Variants in TBX4 observed in about 807,000 individuals in gnomAD.
TBX4 encodes T-box transcription factor TBX4.
In TBX4, 13 loss-of-function variants were observed where a neutral mutation model predicts 54.6. The ratio of observed to expected loss-of-function variants is 0.24; its 90% CI spans 0.15 to 0.38. The LOEUF (loss-of-function observed/expected upper bound fraction) is 0.38. TBX4 is among the 10% of genes least tolerant of loss of function. The pLI, the probability that TBX4 is intolerant of heterozygous loss-of-function variation, is 1.00. For missense variants in TBX4, 631 were observed against 728.5 expected (o/e 0.87, Z 1.54); for synonymous variants, 314 against 306.7 (o/e 1.02, Z -0.25).
chr17:61,483,333 G>C lies in TBX4; in HGVS notation c.1458G>C (p.Arg486=). 2 of 1,610,236 alleles carry C rather than the reference G, an allele frequency of 1.2e-6. No homozygotes were observed. The highest frequency in any genetic ancestry group is 1.7e-6 in the Non-Finnish European group (2 of 1,176,946). The part of the protein sequence containing the change: ...NQLSQSQVRE[R]GPSASFPRER... ...TCTCCCAGTCTCAGGTCCGAGAGCG[G>C]GGGCCCAGCGCCTCATTCCCAAGAG... The change falls in exon 9 of 9, where the codon CGG becomes CGC. Residue 486 remains arginine, a synonymous_variant. Transcript: ENST00000644296. The surrounding 1 kb of genome is among the most constrained non-coding windows in gnomAD (Gnocchi z 6.6).
intron 5 of TBX4, among the ~76,000 whole-genome samples, chr17:61,468,037 C>A (rs2060548610): frequency 1.3e-5 from 2 of 152,238 alleles, no homozygotes; most frequent in African/African-American, 2.4e-5. Context: ...CGGGTCAGAT[C>A]TCAGCTTCAG....
intron 5 of TBX4, among the ~76,000 whole-genome samples, chr17:61,471,229 C>T (rs1287007182): frequency 4.6e-5 from 7 of 152,230 alleles, no homozygotes; most frequent in Non-Finnish European, 8.8e-5. Context: ...CCTTCTTCAC[C>T]TAGGTAGCTA....
Position 61,467,738 on chromosome 17 carries a change from A to G in TBX4, c.549+81A>G, listed in dbSNP as rs562469979. ...GGGACAGGCCAGGATGGGGATAGGG[A>G]GAATCCACTCCGGGATCCAGCTCCA... On this transcript the variant is annotated intron_variant, in intron 5 of 8. Transcript: ENST00000644296. 5.8e-5 allele frequency: 91 copies of G among 1,563,818 alleles called. 1 individual carries two copies. The South Asian group carries it at 1.0e-3, about 17-fold the overall frequency.
chr17:61,467,355 C>T lies in TBX4; in HGVS notation c.402-155C>T, dbSNP rs1009962. On this transcript the variant is annotated intron_variant, in intron 4 of 8. Coordinates refer to ENST00000644296, the MANE Select transcript of TBX4 (RefSeq NM_001321120.2). Reference sequence around the variant, plus strand: ...CCTCAGCATTCTCTCCTCTGAACCTCACACTCCTACCCTTGAAGTACTAAT... The same window carrying T: ...CCTCAGCATTCTCTCCTCTGAACCTTACACTCCTACCCTTGAAGTACTAAT... 0.12 allele frequency among the ~76,000 whole-genome samples: 17,683 copies of T among 152,194 alleles called. 1,089 individuals are homozygous for T. The highest frequency in any genetic ancestry group is 0.2 in the East Asian group (1,032 of 5,168).
chr17:61,480,399 C>T lies in TBX4; in HGVS notation c.1021+80C>T. 10 of 1,146,694 alleles carry T rather than the reference C, an allele frequency of 8.7e-6. No homozygotes were observed. Among genetic ancestry groups the T allele is most frequent in the Non-Finnish European group, 1.3e-5 (10 of 793,898 alleles). 71.0% of individuals were successfully genotyped at this position (1,146,694 alleles called of 1,614,324 possible). A position where few individuals can be genotyped will look rare whatever the true frequency, so the allele number is the denominator to read the frequency against. On this transcript the variant is annotated intron_variant, in intron 8 of 8. Coordinates refer to ENST00000644296, the MANE Select transcript of TBX4 (RefSeq NM_001321120.2). The surrounding 1 kb of genome is among the most constrained non-coding windows in gnomAD (Gnocchi z 6.2). Reference sequence around the variant, plus strand: ...CCCCGAAACCACTCTGCAGCGCCCCCCCCCCCAACACACACACACTCATCT... The same window carrying T: ...CCCCGAAACCACTCTGCAGCGCCCCTCCCCCCAACACACACACACTCATCT...
Position 61,479,065 on chromosome 17 carries a change from T to C in TBX4, c.702+286T>C, listed in dbSNP as rs2060643268. On this transcript the variant is annotated intron_variant, in intron 6 of 8. Transcript: ENST00000644296. The surrounding 1 kb of genome is among the most constrained non-coding windows in gnomAD (Gnocchi z 6.1). ...AAAAACCAGGAGCTTGGAGTCTGCC[T>C]TGTGGTTTGAGCATTGGGCCCTTTC... Among the ~76,000 whole-genome samples the C allele has an allele frequency of 6.6e-6, 1 of 152,218 alleles. No individual in the cohort carries two copies. Among genetic ancestry groups the C allele is most frequent in the African/African-American group, 2.4e-5 (1 of 41,456 alleles).
rs997581372 is a variant in TBX4, at chr17:61,478,669, A to G, written c.592A>G (p.Ile198Val). 1 of 1,614,174 alleles carries G rather than the reference A, an allele frequency of 6.2e-7. No homozygotes were observed. The highest frequency in any genetic ancestry group is 8.5e-7 in the Non-Finnish European group (1 of 1,180,028). ...GCACAAGTACCAGCCGCGGCTCCAC[A>G]TCGTTAAGGCTGATGAGAACAATGC... ...SMHKYQPRLH[I>V]VKADENNAFG... Residue 198 changes from isoleucine (I) to valine (V), a missense_variant, in exon 6 of 9, where the codon ATC becomes GTC. Ile to Val is a conservative substitution (Grantham distance 29). This residue lies in a region of TBX4 where 154 missense variants were observed against 238.6 expected (regional missense o/e 0.65). Coordinates refer to ENST00000644296, the MANE Select transcript of TBX4 (RefSeq NM_001321120.2). This position sits in a 1 kb window ranked among gnomAD's most constrained non-coding sequence, Gnocchi z 7.4.
At chr17:61,477,513 C>G (rs1040988302) in intron 5 of TBX4, among the ~76,000 whole-genome samples, 1 of 152,210 alleles carries the variant, frequency 6.6e-6, no homozygotes, top group African/African-American at 2.4e-5. Flanking sequence ...GAAACTGTGC[C>G]GTCTCCTACC....
chr17:61,478,672 G>A lies in TBX4; in HGVS notation c.595G>A (p.Val199Ile), dbSNP rs151058527. ...CAAGTACCAGCCGCGGCTCCACATCGTTAAGGCTGATGAGAACAATGCTTT... is the reference window on the plus strand; with the variant it reads ...CAAGTACCAGCCGCGGCTCCACATCATTAAGGCTGATGAGAACAATGCTTT... ...MHKYQPRLHI[V>I]KADENNAFGS... The change falls in exon 6 of 9, where the codon GTT becomes ATT. Residue 199 changes from valine (V) to isoleucine (I), a missense_variant. By Grantham distance (29) the Val-to-Ile change is conservative. Coordinates refer to ENST00000644296, the MANE Select transcript of TBX4 (RefSeq NM_001321120.2). This position sits in a 1 kb window ranked among gnomAD's most constrained non-coding sequence, Gnocchi z 7.4. The A allele has an allele frequency of 3.3e-4, 531 of 1,614,062 alleles. 2 individuals are homozygous for A. Among genetic ancestry groups the A allele is most frequent in the Non-Finnish European group, 4.3e-4 (507 of 1,180,028 alleles).
In TBX4 at chr17:61,476,571, G is replaced by A. The variant is rs1055580388; in HGVS notation, c.550-2056G>A. The stretch of plus-strand genomic sequence containing the variant: ...CTCTCGCCACAGGAGCATCCCCAGC[G>A]TCCTGGAAAGGGACAGACATCGAGG... On this transcript the variant is annotated intron_variant, in intron 5 of 8. Coordinates refer to ENST00000644296, the MANE Select transcript of TBX4 (RefSeq NM_001321120.2). This position sits in a 1 kb window ranked among gnomAD's most constrained non-coding sequence, Gnocchi z 6.5. 3.9e-5 allele frequency among the ~76,000 whole-genome samples: 6 copies of A among 152,228 alleles called. No individual in the cohort carries two copies. Among genetic ancestry groups the A allele is most frequent in the East Asian group, 3.8e-4 (2 of 5,202 alleles).
At position 61,456,584 on chromosome 17, in the gene TBX4, C is replaced by T. The variant is rs762348865; in HGVS notation, c.94C>T (p.Pro32Ser). ...GGCCAGCGCAGCCAACGCCCCCGAGCCCGCGCTGGCAGCGCCGGGCCTCAG... is the reference window on the plus strand; with the variant it reads ...GGCCAGCGCAGCCAACGCCCCCGAGTCCGCGCTGGCAGCGCCGGGCCTCAG... ...GEASAANAPE[P>S]ALAAPGLSGA... The change falls in exon 2 of 9, where the codon CCC (proline) becomes TCC (serine). Residue 32 changes from proline (P) to serine (S), a missense_variant. Coordinates refer to ENST00000644296, the MANE Select transcript of TBX4 (RefSeq NM_001321120.2). The T allele has an allele frequency of 4.6e-5, 70 of 1,533,774 alleles. No homozygotes were observed. Among genetic ancestry groups the T allele is most frequent in the Non-Finnish European group, 5.7e-5 (65 of 1,139,484 alleles).
rs2060504107 is a variant in TBX4 at position 61,462,580 on chromosome 17, G to A, written c.282-3239G>A. Among the ~76,000 whole-genome samples, 1 of 151,746 alleles carries A rather than the reference G, an allele frequency of 6.6e-6. No individual in the cohort carries two copies. Among genetic ancestry groups the A allele is most frequent in the African/African-American group, 2.4e-5 (1 of 41,288 alleles). On this transcript the variant is annotated intron_variant, in intron 3 of 8. Coordinates refer to ENST00000644296, the MANE Select transcript of TBX4 (RefSeq NM_001321120.2). The surrounding 1 kb of genome is among the most constrained non-coding windows in gnomAD (Gnocchi z 4.5). ...GGGAGAGGGGGAGCGCGCAAGGAGG[G>A]GGCTGGCTGGGGCGGACCCAGAGGT...
At position 61,459,703 on chromosome 17, in the gene TBX4, C is replaced by A. The variant is rs1176856556; in HGVS notation, c.281+2072C>A. On this transcript the variant is annotated intron_variant, in intron 3 of 8. Coordinates refer to ENST00000644296, the MANE Select transcript of TBX4 (RefSeq NM_001321120.2). The surrounding 1 kb of genome is among the most constrained non-coding windows in gnomAD (Gnocchi z 4.8). ...TCCTAGTTGAGGCTTAGAGATGGAC[C>A]TTAGGGAATTATGATAATATTTCTA... 6.6e-6 allele frequency among the ~76,000 whole-genome samples: 1 copy of A among 152,166 alleles called. No homozygotes were observed. The highest frequency in any genetic ancestry group is 2.4e-5 in the African/African-American group (1 of 41,434).
chr17:61,459,008 C>T lies in TBX4; in HGVS notation c.281+1377C>T, dbSNP rs1034930245. ...GGTGGAGGTCTGGGCACTTGGCCAC[C>T]CTCAGGCCTTAGCCAGGGAGGTGGC... On this transcript the variant is annotated intron_variant, in intron 3 of 8. Transcript: ENST00000644296. The surrounding 1 kb of genome is among the most constrained non-coding windows in gnomAD (Gnocchi z 4.8). Among the ~76,000 whole-genome samples, 2 of 152,230 alleles carry T rather than the reference C, an allele frequency of 1.3e-5. No homozygotes were observed. The highest frequency in any genetic ancestry group is 2.4e-5 in the African/African-American group (1 of 41,448).
In TBX4 at chr17:61,478,764, C is replaced by G. The variant is rs754110365; in HGVS notation, c.687C>G (p.Ser229=). The change falls in exon 6 of 9, where the codon TCC becomes TCG. Residue 229 remains serine, a synonymous_variant. Coordinates refer to ENST00000644296, the MANE Select transcript of TBX4 (RefSeq NM_001321120.2). This position sits in a 1 kb window ranked among gnomAD's most constrained non-coding sequence, Gnocchi z 7.4. ...FPETSFISVT[S]YQNHKITQLK... The stretch of plus-strand genomic sequence containing the variant: ...AGACCTCCTTCATCTCTGTGACCTC[C>G]TACCAGAATCACAAGGTACAGCCAC... The G allele has an allele frequency of 6.2e-6, 10 of 1,614,048 alleles. No homozygotes were observed. Among genetic ancestry groups the G allele is most frequent in the African/African-American group, 2.7e-5 (2 of 74,922 alleles).
In TBX4 at chr17:61,464,010, G is replaced by A. The variant is rs149897625; in HGVS notation, c.282-1809G>A. Among the ~76,000 whole-genome samples the A allele has an allele frequency of 4.4e-3, 675 of 152,298 alleles. 6 individuals carry two copies. The highest frequency in any genetic ancestry group is 6.7e-3 in the Non-Finnish European group (453 of 68,018). On this transcript the variant is annotated intron_variant, in intron 3 of 8. Coordinates refer to ENST00000644296, the MANE Select transcript of TBX4 (RefSeq NM_001321120.2). This position sits in a 1 kb window ranked among gnomAD's most constrained non-coding sequence, Gnocchi z 5.8. ...GCTGGTAAGCAGGAGGCAGGGTTGG[G>A]TTCCTGAGCCCCTCACTTCCCCCAT...
chr17:61,470,016 C>T (rs1399362732), intron 5 of TBX4, among the ~76,000 whole-genome samples: 2 of 152,238 alleles, frequency 1.3e-5, no homozygotes, highest in Admixed American at 6.5e-5. Context: ...GGGATCCTCA[C>T]GGTATCCCAG....
rs112164992 is a variant in TBX4 at position 61,453,140 on chromosome 17, T to C, written c.-4+563T>C. 1.3e-5 allele frequency among the ~76,000 whole-genome samples: 2 copies of C among 152,362 alleles called. 1 individual carries two copies. The highest frequency in any genetic ancestry group is 4.8e-5 in the African/African-American group (2 of 41,586). On this transcript the variant is annotated intron_variant, in intron 1 of 8. Coordinates refer to ENST00000644296, the MANE Select transcript of TBX4 (RefSeq NM_001321120.2). ...AAAGGGCTAATCGGCATAACTGATATAACACGTGAACTTCCAAATAATACA... is the reference window on the plus strand; with the variant it reads ...AAAGGGCTAATCGGCATAACTGATACAACACGTGAACTTCCAAATAATACA...
In TBX4 at chr17:61,453,203, C is replaced by G. The variant is rs2060425811; in HGVS notation, c.-4+626C>G. Among the ~76,000 whole-genome samples, 3 of 152,058 alleles carry G rather than the reference C, an allele frequency of 2.0e-5. No homozygotes were observed. In the East Asian group the frequency reaches 5.8e-4, roughly 29 times the overall value. On this transcript the variant is annotated intron_variant, in intron 1 of 8. Coordinates refer to ENST00000644296, the MANE Select transcript of TBX4 (RefSeq NM_001321120.2). ...TTCAGAATCAAGTGAAAATAGTAAT[C>G]ACAATTTTTAAAAGGATTAAAGACA...
Sources: gnomAD v4.1 joint callset for allele counts (sites outside exome capture counted in the v4.1 genomes callset) on GRCh38, gnomAD v4.1.1 for gene constraint, gnomAD v4.1.1 regional missense constraint, Gnocchi (gnomAD v3.1) non-coding constraint, MANE v1.5 for transcripts, NCBI Gene and HGNC (gene_info 2026-07-23, HGNC 2026-07-21) for gene names.